The following UST variants were observed in gnomAD, a reference collection of about 807,000 sequenced individuals.
UST encodes the protein uronyl 2-sulfotransferase.
Under a neutral mutation model 45.6 loss-of-function variants are expected in UST, and 21 were observed. That is an observed-to-expected ratio of 0.46 (90% CI 0.33 to 0.66). UST has a LOEUF of 0.66. Among genes scored for constraint, UST ranks in the 30% least tolerant of loss-of-function variants. The pLI, the probability that UST is intolerant of heterozygous loss-of-function variation, is 0.02. For synonymous variants in UST, 215 were observed against 200.6 expected (o/e 1.07, Z -0.61); for missense variants, 463 against 512.4 (o/e 0.90, Z 0.93).
intron 1 of UST, among the ~76,000 whole-genome samples, chr6:148,869,676 G>C (rs1778512267): frequency 2.0e-5 from 3 of 152,308 alleles, no homozygotes. Context: ...ATCAGCATCA[G>C]CATTTATGAG....
intron 5 of UST, among the ~76,000 whole-genome samples, chr6:148,965,818 A>ATTTTAT (rs991992355): frequency 1.1e-4 from 16 of 144,290 alleles, no homozygotes; most frequent in African/African-American, 1.3e-4. Flanking sequence ...TATTTTGATG[A>ATTTTAT]TTTTATTTTT....
In UST at chr6:148,850,984, C is replaced by G. The variant is rs953683579; in HGVS notation, c.248-36002C>G. On this transcript the variant is annotated intron_variant, in intron 1 of 7. Coordinates refer to ENST00000367463, the MANE Select transcript of UST (RefSeq NM_005715.3). The stretch of plus-strand genomic sequence containing the variant: ...CCCTAGGCTCTGCCTTTGAAACTCC[C>G]CATATCATTCAGAATGGGCTTTAAA... Among the ~76,000 whole-genome samples, 8 of 152,190 alleles carry G rather than the reference C, an allele frequency of 5.3e-5. No homozygotes were observed. In the East Asian group the frequency reaches 1.2e-3, roughly 22 times the overall value.
intron 5 of UST, chr6:148,992,930 ATACT>A: frequency 1.1e-6 from 1 of 929,352 alleles, no homozygotes; most frequent in African/African-American, 1.8e-5. Flanking sequence ...ATATCATAAA[ATACT>A]TAGGATTACA....
At chr6:148,771,938 C>T (rs1041196123) in intron 1 of UST, among the ~76,000 whole-genome samples, 1 of 152,166 alleles carries the variant, frequency 6.6e-6, no homozygotes, top group African/African-American at 2.4e-5. Flanking sequence ...CTACCTCCCC[C>T]AAAAGGAGAT....
intron 2 of UST, among the ~76,000 whole-genome samples, chr6:148,933,108 A>G (rs371844083): frequency 2.0e-5 from 3 of 152,334 alleles, no homozygotes; most frequent in East Asian, 3.9e-4. Flanking sequence ...CGACTTCAAC[A>G]TACTTTTTCT....
chr6:148,918,610 A>G (rs575793537), intron 2 of UST, among the ~76,000 whole-genome samples: 3 of 152,322 alleles, frequency 2.0e-5, no homozygotes, highest in African/African-American at 7.2e-5. Context: ...TGATTAAAAT[A>G]TCACAGGAAA....
chr6:148,782,457 CT>C (rs1178883318), intron 1 of UST, among the ~76,000 whole-genome samples: 2,792 of 144,552 alleles, frequency 0.019, 85 homozygotes, highest in African/African-American at 0.065. Flanking sequence ...GGAGTTGCTT[CT>C]TTTTTTTTTT....
intron 2 of UST, among the ~76,000 whole-genome samples, chr6:148,936,734 C>T (rs753430821): frequency 3.3e-5 from 5 of 151,982 alleles, no homozygotes; most frequent in Non-Finnish European, 7.4e-5. Flanking sequence ...ATCACTCTGT[C>T]ACCCAGGCTG....
intron 3 of UST, among the ~76,000 whole-genome samples, chr6:148,943,090 G>A (rs1780161545): frequency 6.6e-6 from 1 of 152,124 alleles, no homozygotes. Context: ...GGCTGGTGAT[G>A]CCTTTTTAAC....
chr6:149,019,235 AG>A lies in UST; in HGVS notation c.779+1del. ...PYFCGQHPRC[R>X]EPGEWALERA... ...CTTTTGTGGACAGCATCCCAGATGC[AG>A]GTAAGGGCTAAAGCAGGGTCATGGC... On this transcript the variant is annotated frameshift_variant and splice_region_variant, in exon 6 of 8. Coordinates refer to ENST00000367463, the MANE Select transcript of UST (RefSeq NM_005715.3). LOFTEE classifies it high-confidence loss of function. 1 of 1,613,110 alleles carries A rather than the reference AG, an allele frequency of 6.2e-7. No homozygotes were observed. The highest frequency in any genetic ancestry group is 8.5e-7 in the Non-Finnish European group (1 of 1,179,132).
In UST at chr6:148,808,003, C is replaced by T. The variant is rs116595117; in HGVS notation, c.247+60326C>T. 9.1e-3 allele frequency among the ~76,000 whole-genome samples: 1,392 copies of T among 152,262 alleles called. 22 individuals carry two copies. The highest frequency in any genetic ancestry group is 0.032 in the African/African-American group (1,333 of 41,528). ...TCAATGAATACTTAACTGTAGGCCA[C>T]GAACAGAAGCCGGTGGGGAAGCCAG... On this transcript the variant is annotated intron_variant, in intron 1 of 7. Coordinates refer to ENST00000367463, the MANE Select transcript of UST (RefSeq NM_005715.3).
At chr6:148,769,750 T>TTGTGTGTGTGTGTGTG (rs57316536) in intron 1 of UST, among the ~76,000 whole-genome samples, 61 of 148,222 alleles carry the variant, frequency 4.1e-4, no homozygotes, top group African/African-American at 1.5e-3. Context: ...GAGCCTGTGT[T>TTGTGTGTGTGTGTGTG]TGTGTGTGTG....
chr6:149,002,137 T>A (rs1781561789), intron 5 of UST, among the ~76,000 whole-genome samples: 1 of 149,472 alleles, frequency 6.7e-6, no homozygotes, highest in South Asian at 2.1e-4. Flanking sequence ...TCCATGTGTT[T>A]GAAAAAAAAT....
intron 2 of UST, among the ~76,000 whole-genome samples, chr6:148,926,347 G>A (rs993601365): frequency 6.6e-5 from 10 of 152,162 alleles, no homozygotes; most frequent in African/African-American, 2.4e-4. Context: ...AAAAGAGAAA[G>A]GCCTATATCA....
At chr6:148,762,138 C>T (rs1463959572) in intron 1 of UST, among the ~76,000 whole-genome samples, 4 of 152,108 alleles carry the variant, frequency 2.6e-5, no homozygotes, top group African/African-American at 9.7e-5. Context: ...ATTCTTCATT[C>T]GTGCTGCGAG....
At chr6:148,819,485 A>G (rs376148345) in intron 1 of UST, among the ~76,000 whole-genome samples, 5 of 152,348 alleles carry the variant, frequency 3.3e-5, no homozygotes, top group African/African-American at 9.6e-5. Context: ...TTAGAGATAG[A>G]AAGATATTAG....
At chr6:149,026,610 A>C (rs1776054043) in intron 7 of UST, among the ~76,000 whole-genome samples, 1 of 152,226 alleles carries the variant, frequency 6.6e-6, no homozygotes, top group Non-Finnish European at 1.5e-5. Flanking sequence ...TAATAGGAAC[A>C]GTCATATGAG....
chr6:148,865,554 C>T (rs759384334), intron 1 of UST, among the ~76,000 whole-genome samples: 14 of 152,018 alleles, frequency 9.2e-5, no homozygotes, highest in Admixed American at 9.2e-4. Flanking sequence ...AGAGAGAAAA[C>T]ACCTGGTTGT....
chr6:149,032,103 A>C (rs1776153382), intron 7 of UST, among the ~76,000 whole-genome samples: 1 of 152,196 alleles, frequency 6.6e-6, no homozygotes, highest in African/African-American at 2.4e-5. Flanking sequence ...TACCAGAGGC[A>C]GGAGAAGGAT....
Sources: allele counts gnomAD v4.1 joint callset (sites outside exome capture counted in the v4.1 genomes callset), GRCh38; gene constraint gnomAD v4.1.1; transcripts MANE v1.5; gene names NCBI Gene and HGNC (gene_info 2026-07-23, HGNC 2026-07-21).